PRKAR1B: variants seen among roughly 807,000 people sequenced by gnomAD.
PRKAR1B encodes protein kinase cAMP-dependent type I regulatory subunit beta.
PRKAR1B carries 22 observed loss-of-function variants against 46.5 expected under a neutral mutation model. That is an observed-to-expected ratio of 0.47 (90% CI 0.34 to 0.68). The LOEUF (loss-of-function observed/expected upper bound fraction) is 0.68. PRKAR1B is among the 30% of genes least tolerant of loss of function. The pLI is 0.01. For synonymous variants in PRKAR1B, 259 were observed against 217.7 expected (o/e 1.19, Z -1.67); for missense variants, 445 against 535.6 (o/e 0.83, Z 1.67).
intron 4 of PRKAR1B, among the ~76,000 whole-genome samples, chr7:616,008 AAGAG>A (rs112413656): frequency 6.7e-5 from 10 of 149,294 alleles, no homozygotes; most frequent in Non-Finnish European, 1.2e-4. Flanking sequence ...AAAAGGAAGA[AAGAG>A]AGAGAGAGAG....
At chr7:676,343 T>C (rs1786580695) in intron 4 of PRKAR1B, among the ~76,000 whole-genome samples, 1 of 152,160 alleles carries the variant, frequency 6.6e-6, no homozygotes. Flanking sequence ...ACTGCGACCC[T>C]GCAGACCTCA....
intron 4 of PRKAR1B, among the ~76,000 whole-genome samples, chr7:627,465 C>G (rs531356472): frequency 6.6e-6 from 1 of 152,332 alleles, no homozygotes; most frequent in African/African-American, 2.4e-5. Flanking sequence ...GACTCCCCCA[C>G]GCCTGAGGGT....
chr7:642,029 C>T (rs1357411493), intron 4 of PRKAR1B, among the ~76,000 whole-genome samples: 1 of 152,054 alleles, frequency 6.6e-6, no homozygotes, highest in African/African-American at 2.4e-5. Context: ...CCCTCCTCCC[C>T]AAGTGGCTGG....
chr7:645,609 C>A (rs1447191471), intron 4 of PRKAR1B, among the ~76,000 whole-genome samples: 1 of 152,174 alleles, frequency 6.6e-6, no homozygotes, highest in Non-Finnish European at 1.5e-5. Flanking sequence ...GTCCCACAGC[C>A]GTCACGGACA....
chr7:571,509 T>A (rs1779511853), intron 9 of PRKAR1B, among the ~76,000 whole-genome samples: 1 of 152,200 alleles, frequency 6.6e-6, no homozygotes, highest in African/African-American at 2.4e-5. Context: ...TTTGCAGTTG[T>A]TTCAACGTTG....
intron 4 of PRKAR1B, among the ~76,000 whole-genome samples, chr7:663,995 C>G (rs1184438961): frequency 6.6e-6 from 1 of 152,164 alleles, no homozygotes; most frequent in Admixed American, 6.5e-5. Context: ...CAGGGTCCCC[C>G]CCGACAAGTG....
intron 4 of PRKAR1B, among the ~76,000 whole-genome samples, chr7:664,246 C>T (rs979300418): frequency 2.6e-5 from 4 of 152,222 alleles, no homozygotes; most frequent in African/African-American, 9.7e-5. Context: ...ATGCCAGGAC[C>T]CATGGCGTCC....
chr7:656,748 GATGA>G (rs1310092345), intron 4 of PRKAR1B, among the ~76,000 whole-genome samples: 2 of 152,168 alleles, frequency 1.3e-5, no homozygotes, highest in South Asian at 2.1e-4. Flanking sequence ...TGCATGGATG[GATGA>G]ATGAATGAAT....
In PRKAR1B at chr7:587,317, G is replaced by A. The variant is rs553373773; in HGVS notation, c.709-2749C>T. 2.0e-5 allele frequency among the ~76,000 whole-genome samples: 3 copies of A among 152,350 alleles called. No individual in the cohort carries two copies. In the East Asian group the frequency reaches 5.8e-4, roughly 29 times the overall value. The stretch of plus-strand genomic sequence containing the variant: ...AGATCGCAATCAGGCACCACTTGGT[G>A]TTTACTGAGTGCCCTGGACAGGGGT... On this transcript the variant is annotated intron_variant, in intron 7 of 10. Coordinates refer to ENST00000537384, the MANE Select transcript of PRKAR1B (RefSeq NM_001164760.2).
intron 9 of PRKAR1B, among the ~76,000 whole-genome samples, chr7:567,452 C>T (rs1779228529): frequency 6.6e-6 from 1 of 150,964 alleles, no homozygotes. Flanking sequence ...CCATCACCTC[C>T]ATCATCACTA....
At chr7:591,454 A>T (rs756764511) in intron 7 of PRKAR1B, among the ~76,000 whole-genome samples, 6 of 152,190 alleles carry the variant, frequency 3.9e-5, no homozygotes, top group Non-Finnish European at 5.9e-5. Flanking sequence ...GGTCCCACCC[A>T]CTTCCCATGA....
intron 1 of PRKAR1B, among the ~76,000 whole-genome samples, chr7:726,380 C>G (rs1264931880): frequency 1.3e-5 from 2 of 152,162 alleles, no homozygotes; most frequent in South Asian, 4.1e-4. Flanking sequence ...CGGGACCACT[C>G]AGGTTCCTTC....
rs1004940721 is a variant in PRKAR1B at position 667,452 on chromosome 7, A to T, written c.440+9777T>A. On this transcript the variant is annotated intron_variant, in intron 4 of 10. Transcript: ENST00000537384. This position sits in a 1 kb window ranked among gnomAD's most constrained non-coding sequence, Gnocchi z 4.3. Reference sequence around the variant, plus strand: ...GGTATCTGAGTGAGATTGTGTGTGCATGACTGTGTGCATAGGCGTGCCTGG... The same window carrying T: ...GGTATCTGAGTGAGATTGTGTGTGCTTGACTGTGTGCATAGGCGTGCCTGG... Among the ~76,000 whole-genome samples, 1 of 152,206 alleles carries T rather than the reference A, an allele frequency of 6.6e-6. No individual in the cohort carries two copies. Among genetic ancestry groups the T allele is most frequent in the African/African-American group, 2.4e-5 (1 of 41,450 alleles).
chr7:601,173 G>A (rs998277434), intron 6 of PRKAR1B, among the ~76,000 whole-genome samples: 14 of 152,318 alleles, frequency 9.2e-5, no homozygotes, highest in East Asian at 1.9e-4. Context: ...AAATACCCAC[G>A]GCAAACGGCC....
intron 1 of PRKAR1B, chr7:726,940 G>T: frequency 7.5e-7 from 1 of 1,340,196 alleles, no homozygotes; most frequent in Non-Finnish European, 9.6e-7. Context: ...GGGCCCCTGG[G>T]CGCGCCTACT....
At chr7:605,979 G>A (rs997371032) in intron 6 of PRKAR1B, among the ~76,000 whole-genome samples, 7 of 152,318 alleles carry the variant, frequency 4.6e-5, no homozygotes, top group South Asian at 2.1e-4. Flanking sequence ...GGCCGCTGCC[G>A]GCACCTGCCA....
chr7:711,342 T>G lies in PRKAR1B; in HGVS notation c.164A>C (p.Glu55Ala). ...RPMKFLREHF[E>A]KLEKEENRQI... ...GGGGCCACTCACCTTCTCCAGCTTC[T>G]CGAAGTGCTCCCGGAGGAACTTCAT... Residue 55 changes from glutamate (E) to alanine (A), a missense_variant, in exon 2 of 11, where the codon GAG (glutamate) becomes GCG (alanine). By Grantham distance (107) the Glu-to-Ala change is moderately radical. Around this residue, in one of 5 missense-constraint regions of PRKAR1B, gnomAD observed 155 missense variants for 127.5 expected, o/e 1.22. Coordinates refer to ENST00000537384, the MANE Select transcript of PRKAR1B (RefSeq NM_001164760.2). 1.9e-6 allele frequency: 3 copies of G among 1,614,110 alleles called. No individual in the cohort carries two copies. Among genetic ancestry groups the G allele is most frequent in the Non-Finnish European group, 2.5e-6 (3 of 1,179,984 alleles).
chr7:566,323 A>C (rs1297914383), intron 9 of PRKAR1B, among the ~76,000 whole-genome samples: 3 of 144,984 alleles, frequency 2.1e-5, no homozygotes, highest in Non-Finnish European at 4.6e-5. Flanking sequence ...CATATTCACC[A>C]ACTCATCACC....
rs1175388636 is a variant in PRKAR1B at position 601,598 on chromosome 7, G to A, written c.549+4595C>T. ...CCCACATCACAGGAGGGCCCCTGCA[G>A]GCAGCTCCTGCGCCCGGCCCCGCCC... On this transcript the variant is annotated intron_variant, in intron 6 of 10. Transcript: ENST00000537384. Among the ~76,000 whole-genome samples, 105 of 152,360 alleles carry A rather than the reference G, an allele frequency of 6.9e-4. 3 individuals carry two copies. Among genetic ancestry groups the A allele is most frequent in the Non-Finnish European group, 7.4e-5 (5 of 68,026 alleles).
Sources: gnomAD v4.1 joint callset for allele counts (sites outside exome capture counted in the v4.1 genomes callset) on GRCh38, gnomAD v4.1.1 for gene constraint, gnomAD v4.1.1 regional missense constraint, Gnocchi (gnomAD v3.1) non-coding constraint, MANE v1.5 for transcripts, NCBI Gene and HGNC (gene_info 2026-07-23, HGNC 2026-07-21) for gene names.